The following EFCAB14 variants were observed in gnomAD, a reference collection of about 807,000 sequenced individuals.
EFCAB14 encodes EF-hand calcium-binding domain-containing protein 14.
EFCAB14 carries 43 observed loss-of-function variants against 56.5 expected under a neutral mutation model. The observed-to-expected ratio is 0.76, with a 90% CI of 0.60 to 0.98. EFCAB14 has a LOEUF of 0.98. Among genes scored for constraint, EFCAB14 ranks in the 50% least tolerant of loss-of-function variants. EFCAB14 has a pLI of 0.00. For synonymous variants in EFCAB14, 235 were observed against 212.9 expected (o/e 1.10, Z -0.90); for missense variants, 538 against 580.3 (o/e 0.93, Z 0.75).
At chr1:46,697,148 T>C (rs576814849) in intron 3 of EFCAB14, among the ~76,000 whole-genome samples, 3 of 152,304 alleles carry the variant, frequency 2.0e-5, no homozygotes, top group East Asian at 1.9e-4. Flanking sequence ...CTCTGACAAT[T>C]TGAACAGCAC....
At chr1:46,700,982 A>AGTGTGTGT (rs1464542399) in intron 3 of EFCAB14, among the ~76,000 whole-genome samples, 14 of 75,996 alleles carry the variant, frequency 1.8e-4, no homozygotes, top group Admixed American at 8.8e-4. Context: ...AGAGAGAGTG[A>AGTGTGTGT]GTGAGTGTGT....
chr1:46,694,776 C>A (rs375333287), intron 4 of EFCAB14, among the ~76,000 whole-genome samples: 2 of 152,144 alleles, frequency 1.3e-5, no homozygotes, highest in East Asian at 1.9e-4. Context: ...GACACACGCA[C>A]ACTTATGTTT....
At chr1:46,694,006 G>A (rs1334877307) in intron 4 of EFCAB14, among the ~76,000 whole-genome samples, 1 of 152,148 alleles carries the variant, frequency 6.6e-6, no homozygotes, top group African/African-American at 2.4e-5. Context: ...AAATGGTGCT[G>A]GGAAAACTGG....
chr1:46,716,028 A>C (rs1677383119), intron 2 of EFCAB14, among the ~76,000 whole-genome samples: 1 of 151,744 alleles, frequency 6.6e-6, no homozygotes, highest in Non-Finnish European at 1.5e-5. Context: ...TAGGTGGACC[A>C]CCTGAGGTCA....
intron 5 of EFCAB14, among the ~76,000 whole-genome samples, chr1:46,690,154 T>C (rs1439007275): frequency 1.3e-5 from 2 of 152,222 alleles, no homozygotes; most frequent in African/African-American, 4.8e-5. Context: ...TAACCACCAA[T>C]CATGTGCATT....
rs762494221 is a variant in EFCAB14 at position 46,688,365 on chromosome 1, C to G, written c.975G>C (p.Leu325=). Residue 325 remains leucine, a synonymous_variant, in exon 7 of 11, where the codon CTG becomes CTC. Coordinates refer to ENST00000371933, the MANE Select transcript of EFCAB14 (RefSeq NM_014774.3). The stretch of plus-strand genomic sequence containing the variant: ...AGAAAAGGCTTACCATGCTGAAGGA[C>G]AGGTTTGCTTTCTTTTCTACCTTGC... ...AMSKVEKKAN[L]SFSMMGDRSA... 1 of 1,613,676 alleles carries G rather than the reference C, an allele frequency of 6.2e-7. No homozygotes were observed.
chr1:46,679,601 T>TG (rs1272260083), intron 10 of EFCAB14, among the ~76,000 whole-genome samples: 2 of 40,084 alleles, frequency 5.0e-5, no homozygotes, highest in Non-Finnish European at 8.0e-5. Context: ...CCACGCCTGT[T>TG]TTTTTTTTTT....
intron 1 of EFCAB14, among the ~76,000 whole-genome samples, chr1:46,716,968 T>C (rs921621637): frequency 3.6e-4 from 55 of 152,212 alleles, no homozygotes; most frequent in Admixed American, 1.1e-3. Context: ...GGCTCAGAAG[T>C]AAGGAAACAT....
intron 10 of EFCAB14, among the ~76,000 whole-genome samples, chr1:46,680,502 T>C (rs902417133): frequency 6.6e-6 from 1 of 152,220 alleles, no homozygotes; most frequent in Non-Finnish European, 1.5e-5. Flanking sequence ...ATTCCATTTA[T>C]GTGAAACACC....
Position 46,711,864 on chromosome 1 carries a change from C to T in EFCAB14, c.335-3813G>A, listed in dbSNP as rs530352204. 1.2e-4 allele frequency among the ~76,000 whole-genome samples: 19 copies of T among 152,204 alleles called. No homozygotes were observed. The South Asian group carries it at 2.9e-3, about 23-fold the overall frequency. On this transcript the variant is annotated intron_variant, in intron 2 of 10. Transcript: ENST00000371933. ...AATTATTCAACAACTTGTTATTAAG[C>T]CCCCACCATGTGTCCATCCCTGCAC...
Position 46,689,629 on chromosome 1 carries a change from T to C in EFCAB14, c.753A>G (p.Thr251=), listed in dbSNP as rs919659505. ...SNQIIPSPSA[T]SELDNKTHSE... ...TGTGGGTTTTATTGTCAAGTTCTGA[T>C]GTGGCTGAAGGTGACGGAATGATCT... Residue 251 remains threonine, a synonymous_variant, in exon 6 of 11, where the codon ACA becomes ACG. Coordinates refer to ENST00000371933, the MANE Select transcript of EFCAB14 (RefSeq NM_014774.3). The C allele has an allele frequency of 6.8e-6, 11 of 1,613,936 alleles. No individual in the cohort carries two copies. Among genetic ancestry groups the C allele is most frequent in the Non-Finnish European group, 8.5e-6 (10 of 1,179,814 alleles).
In EFCAB14 at chr1:46,715,159, C is replaced by T. The variant is rs118109634; in HGVS notation, c.334+1136G>A. ...CTAAGCTTGAAAACTGATAAGTATG[C>T]AGAAAACCAGTTCTTCCTGTTTCTT... is the stretch of plus-strand genomic sequence containing the variant. On this transcript the variant is annotated intron_variant, in intron 2 of 10. Coordinates refer to ENST00000371933, the MANE Select transcript of EFCAB14 (RefSeq NM_014774.3). Among the ~76,000 whole-genome samples the T allele has an allele frequency of 3.9e-5, 6 of 152,256 alleles. No homozygotes were observed. The East Asian group carries it at 1.2e-3, about 29-fold the overall frequency.
At chr1:46,691,790 G>A in intron 5 of EFCAB14, 37 bp downstream of exon 5, 1 of 1,515,932 alleles carries the variant, frequency 6.6e-7, no homozygotes, top group Non-Finnish European at 9.1e-7. Context: ...ACAAAAAAGG[G>A]TGAGCAGGAG....
chr1:46,718,296 G>C lies in EFCAB14; in HGVS notation c.-209C>G. 1 of 521,752 alleles carries C rather than the reference G, an allele frequency of 1.9e-6. No individual in the cohort carries two copies. Among genetic ancestry groups the C allele is most frequent in the South Asian group, 2.8e-5 (1 of 36,214 alleles). The allele number at this position is 521,752 out of a possible 1,614,324, so 32.3% of individuals were successfully genotyped here. On this transcript the variant is annotated 5_prime_UTR_variant, in exon 1 of 11. Coordinates refer to ENST00000371933, the MANE Select transcript of EFCAB14 (RefSeq NM_014774.3). ...AGGAAACTGGAACTCAGATGGGTGG[G>C]GGAAATCACATAGAAATGGCCAAGG...
At chr1:46,682,227 T>A (rs1676807500) in intron 10 of EFCAB14, 2 of 152,174 alleles carry the variant, frequency 1.3e-5, no homozygotes, top group Non-Finnish European at 1.5e-5. Context: ...AAACAAAATT[T>A]AAGAGCACAC....
At position 46,708,031 on chromosome 1, in the gene EFCAB14, A is replaced by G. The variant is rs1246010960; in HGVS notation, c.355T>C (p.Ser119Pro). The part of the protein sequence containing the change: ...FRTMESNQKS[S>P]FQEIPKLNEE... ...TTAAGTTTGGGGATTTCTTGGAATG[A>G]GCTTTTCTGATTAGATTCCACTAAA... Residue 119 changes from serine (S) to proline (P), a missense_variant, in exon 3 of 11, where the codon TCA becomes CCA. Transcript: ENST00000371933. The G allele has an allele frequency of 1.9e-6, 3 of 1,612,040 alleles. No individual in the cohort carries two copies. Among genetic ancestry groups the G allele is most frequent in the Non-Finnish European group, 2.5e-6 (3 of 1,179,588 alleles).
chr1:46,706,680 C>A (rs1440484), intron 3 of EFCAB14, among the ~76,000 whole-genome samples: 58,401 of 151,822 alleles, frequency 0.38, 12,852 homozygotes, highest in Non-Finnish European at 0.5. Context: ...TTTCTCCCAT[C>A]CTTTTTGCAA....
chr1:46,688,518 T>C lies in EFCAB14; in HGVS notation c.822A>G (p.Leu274=). 2 of 1,613,556 alleles carry C rather than the reference T, an allele frequency of 1.2e-6. No homozygotes were observed. Among genetic ancestry groups the C allele is most frequent in the Non-Finnish European group, 1.7e-6 (2 of 1,179,686 alleles). The change falls in exon 7 of 11, where the codon TTA becomes TTG. Residue 274 remains leucine (L), a synonymous_variant. Coordinates refer to ENST00000371933, the MANE Select transcript of EFCAB14 (RefSeq NM_014774.3). The part of the protein sequence containing the change: ...KQDILYLHNS[L]EEVNSALVGY... ...CCACTAGGGCACTGTTTACCTCCTC[T>C]AAAGAGTTGTGAAGGTACAGGATAT...
At chr1:46,711,452 A>G (rs915290770) in intron 2 of EFCAB14, among the ~76,000 whole-genome samples, 2 of 152,222 alleles carry the variant, frequency 1.3e-5, no homozygotes, top group African/African-American at 4.8e-5. Flanking sequence ...TTAACTAAGA[A>G]ACACATAAAG....
Sources: allele counts gnomAD v4.1 joint callset (sites outside exome capture counted in the v4.1 genomes callset), GRCh38; gene constraint gnomAD v4.1.1; transcripts MANE v1.5; gene names NCBI Gene and HGNC (gene_info 2026-07-23, HGNC 2026-07-21).